PHF21B: variants seen among roughly 807,000 people sequenced by gnomAD.
The protein encoded by PHF21B is PHD finger protein 4.
In PHF21B, 22 loss-of-function variants were observed where a neutral mutation model predicts 62.2. The ratio of observed to expected loss-of-function variants is 0.35; its 90% CI spans 0.25 to 0.51. The LOEUF (loss-of-function observed/expected upper bound fraction) is 0.51, where lower values mean the gene tolerates loss of function less well. Ranked by LOEUF, PHF21B falls within the 20% of genes least tolerant of loss-of-function variation. The pLI is 0.97. For missense variants in PHF21B, 701 were observed against 707.9 expected (o/e 0.99, Z 0.11); for synonymous variants, 341 against 314.7 (o/e 1.08, Z -0.88).
intron 2 of PHF21B, among the ~76,000 whole-genome samples, chr22:44,993,542 C>T (rs182635641): frequency 2.6e-4 from 39 of 152,376 alleles, no homozygotes; most frequent in African/African-American, 8.9e-4. Flanking sequence ...GAGTCCAGAA[C>T]CGCTCCCACA....
At chr22:44,952,738 T>C (rs1464266739) in intron 2 of PHF21B, among the ~76,000 whole-genome samples, 3 of 152,256 alleles carry the variant, frequency 2.0e-5, no homozygotes, top group Non-Finnish European at 4.4e-5. Context: ...TCCAAGATTC[T>C]ATCATTTTTG....
At chr22:44,926,648 G>C (rs2071637946) in intron 2 of PHF21B, among the ~76,000 whole-genome samples, 1 of 152,236 alleles carries the variant, frequency 6.6e-6, no homozygotes, top group Admixed American at 6.5e-5. Flanking sequence ...TGTTTTCCAT[G>C]TTGCCTCGTG....
rs12628510 is a variant in PHF21B at position 44,883,502 on chromosome 22, A to T, written c.1378-198T>A. Among the ~76,000 whole-genome samples the T allele has an allele frequency of 4.1e-3, 617 of 152,256 alleles. 7 individuals are homozygous for T. In the East Asian group the frequency reaches 0.042, roughly 10 times the overall value. On this transcript the variant is annotated intron_variant, in intron 12 of 12. Transcript: ENST00000313237. ...CCACAGGAGATGATGCTCGCTTTGGAACTTAGGGCTAGAAAAAGTGTGGCT... is the reference window on the plus strand; with the variant it reads ...CCACAGGAGATGATGCTCGCTTTGGTACTTAGGGCTAGAAAAAGTGTGGCT...
chr22:44,994,415 A>G (rs1461296811), intron 2 of PHF21B, among the ~76,000 whole-genome samples: 1 of 152,226 alleles, frequency 6.6e-6, no homozygotes, highest in Non-Finnish European at 1.5e-5. Flanking sequence ...CTTCAAGCCA[A>G]GGACTTCCAG....
At chr22:44,937,720 A>AC (rs1335890819) in intron 2 of PHF21B, among the ~76,000 whole-genome samples, 1 of 152,182 alleles carries the variant, frequency 6.6e-6, no homozygotes, top group Non-Finnish European at 1.5e-5. Context: ...CTACTGTGGG[A>AC]CCCCCACGCC....
chr22:44,896,221 C>A, intron 5 of PHF21B, 138 bp from the exon 6 acceptor site: 1 of 857,466 alleles, frequency 1.2e-6, no homozygotes, highest in South Asian at 1.4e-5. Flanking sequence ...CTCCAGATGC[C>A]AAGTCAGTTT....
intron 2 of PHF21B, among the ~76,000 whole-genome samples, chr22:44,938,478 C>A (rs1329215302): frequency 6.6e-6 from 1 of 152,246 alleles, no homozygotes; most frequent in African/African-American, 2.4e-5. Context: ...AGTGGTCCGC[C>A]TGCCTTGGCC....
intron 2 of PHF21B, among the ~76,000 whole-genome samples, chr22:44,994,166 G>T (rs768095434): frequency 2.0e-5 from 3 of 152,242 alleles, no homozygotes; most frequent in Non-Finnish European, 4.4e-5. Context: ...TCAGCTGGTG[G>T]AGATACTGGG....
At chr22:44,905,065 T>C (rs577671028) in intron 5 of PHF21B, among the ~76,000 whole-genome samples, 8 of 152,206 alleles carry the variant, frequency 5.3e-5, no homozygotes, top group Non-Finnish European at 8.8e-5. Context: ...AGAGATGGAG[T>C]CTACTTTTGA....
At chr22:44,954,004 C>T (rs930269154) in intron 2 of PHF21B, among the ~76,000 whole-genome samples, 4 of 152,208 alleles carry the variant, frequency 2.6e-5, no homozygotes, top group Non-Finnish European at 4.4e-5. Context: ...CCACCGGGCT[C>T]TTCCTAAGGA....
chr22:44,883,790 C>T (rs551094281), intron 12 of PHF21B, among the ~76,000 whole-genome samples: 2 of 142,154 alleles, frequency 1.4e-5, no homozygotes, highest in East Asian at 4.0e-4. Flanking sequence ...GGGTGAAATA[C>T]TGCTTGGGCA....
chr22:44,916,694 G>T, intron 3 of PHF21B, 64 bp from the exon 4 acceptor site: 2 of 1,445,938 alleles, frequency 1.4e-6, no homozygotes, highest in Non-Finnish European at 1.9e-6. Context: ...GGGAGGGGCC[G>T]CCCTGGCTCG....
chr22:44,943,005 C>A (rs908264880), intron 2 of PHF21B, among the ~76,000 whole-genome samples: 7 of 151,258 alleles, frequency 4.6e-5, no homozygotes, highest in Non-Finnish European at 7.4e-5. Context: ...ACCCCCCCCC[C>A]CCCATCCTCA....
chr22:44,889,658 C>G, intron 9 of PHF21B, 102 bp downstream of exon 9: 1 of 1,404,292 alleles, frequency 7.1e-7, no homozygotes, highest in Non-Finnish European at 9.6e-7. Flanking sequence ...CCTTCTGCAC[C>G]ACTCCGGGCT....
intron 2 of PHF21B, among the ~76,000 whole-genome samples, chr22:44,944,124 C>A (rs1338835373): frequency 2.0e-5 from 3 of 152,224 alleles, no homozygotes; most frequent in Non-Finnish European, 4.4e-5. Flanking sequence ...TCTGTAAAGG[C>A]TGCAGCTGTT....
intron 2 of PHF21B, among the ~76,000 whole-genome samples, chr22:44,937,382 T>G (rs2071871085): frequency 6.6e-6 from 1 of 152,116 alleles, no homozygotes; most frequent in South Asian, 2.1e-4. Flanking sequence ...TGAACACAGG[T>G]GCACACTCAG....
intron 4 of PHF21B, among the ~76,000 whole-genome samples, chr22:44,915,271 T>C (rs950597140): frequency 4.6e-5 from 7 of 152,218 alleles, no homozygotes; most frequent in East Asian, 3.8e-4. Context: ...CATGAGAAGA[T>C]AGAATTCTTA....
chr22:44,950,932 T>C (rs2072180794), intron 2 of PHF21B, among the ~76,000 whole-genome samples: 1 of 151,906 alleles, frequency 6.6e-6, no homozygotes, highest in Admixed American at 6.6e-5. Context: ...ACGTGCTGAG[T>C]GTGGGAAAGA....
At chr22:44,998,314 G>T (rs1006917011) in intron 2 of PHF21B, among the ~76,000 whole-genome samples, 2 of 152,180 alleles carry the variant, frequency 1.3e-5, no homozygotes, top group Non-Finnish European at 2.9e-5. Context: ...TCACACACAG[G>T]CTGCCCTCTG....
Sources: gnomAD v4.1 joint callset for allele counts (sites outside exome capture counted in the v4.1 genomes callset) on GRCh38, gnomAD v4.1.1 for gene constraint, MANE v1.5 for transcripts, NCBI Gene and HGNC (gene_info 2026-07-23, HGNC 2026-07-21) for gene names.